PCDH11X: variants seen among roughly 807,000 people sequenced by gnomAD.
PCDH11X encodes the protein protocadherin 11 X-linked, also known as protocadherin-11 X-linked.
Under a neutral mutation model 53.3 loss-of-function variants are expected in PCDH11X, and 18 were observed. That is an observed-to-expected ratio of 0.34 (90% CI 0.23 to 0.50). PCDH11X has a LOEUF of 0.50. Ranked by LOEUF, PCDH11X falls within the 20% of genes least tolerant of loss-of-function variation. The probability of loss-of-function intolerance (pLI) is 0.98; values close to 1 mark genes in which losing one functional copy is unlikely to be tolerated. For synonymous variants in PCDH11X, 279 were observed against 393.3 expected (o/e 0.71, Z 3.44); for missense variants, 570 against 1,032.4 (o/e 0.55, Z 6.14).
chrX:92,008,386 G>T (rs1221240313), intron 6 of PCDH11X, among the ~76,000 whole-genome samples: 2 of 110,497 alleles, frequency 1.8e-5, no homozygotes, highest in African/African-American at 6.6e-5. Flanking sequence ...CTGTGGGCGG[G>T]GGTCAGCTGA....
chrX:92,562,748 C>T (rs1295548833), intron 10 of PCDH11X, among the ~76,000 whole-genome samples: 1 of 110,210 alleles, frequency 9.1e-6, no homozygotes, highest in Non-Finnish European at 1.9e-5. Context: ...ATCTCCAAGC[C>T]AGGGGCACAA....
chrX:92,348,601 A>T (rs1163643124), intron 8 of PCDH11X, among the ~76,000 whole-genome samples: 1 of 107,618 alleles, frequency 9.3e-6, no homozygotes, highest in Non-Finnish European at 1.9e-5. Flanking sequence ...CAATGGTGTG[A>T]TCTCGGCTCA....
At chrX:92,452,463 GTA>G (rs763381982) in intron 9 of PCDH11X, among the ~76,000 whole-genome samples, 2,934 of 44,535 alleles carry the variant, frequency 0.066, 106 homozygotes, top group Non-Finnish European at 0.072. Context: ...GTGTGTGTGT[GTA>G]TATATATATA....
At position 92,618,546 on chromosome X, in the gene PCDH11X, C is replaced by T. The variant is rs775801280; in HGVS notation, c.3650C>T (p.Ser1217Phe). Residue 1217 changes from serine (S) to phenylalanine (F), a missense_variant, in exon 11 of 11, where the codon TCT becomes TTT. This residue lies in a region of PCDH11X where 234 missense variants were observed against 296.1 expected (regional missense o/e 0.79). Coordinates refer to ENST00000682573, the MANE Select transcript of PCDH11X (RefSeq NM_032968.5). Reference protein sequence around the residue: ...LCHSPPPIQVSALHHSPPLVQ... With the variant: ...LCHSPPPIQVFALHHSPPLVQ... The stretch of plus-strand genomic sequence containing the variant: ...CACAGCCCACCACCGATACAGGTGT[C>T]TGCTCTCCACCACAGTCCTCCTCTA... 121 of 1,209,903 alleles carry T rather than the reference C, an allele frequency of 1.0e-4. No individual in the cohort carries two copies. The South Asian group carries it at 2.0e-3, about 20-fold the overall frequency.
At chrX:92,261,764 T>G (rs976744494) in intron 7 of PCDH11X, among the ~76,000 whole-genome samples, 5 of 112,258 alleles carry the variant, frequency 4.5e-5, no homozygotes, top group African/African-American at 1.6e-4. Flanking sequence ...TTAAAAATTT[T>G]TATCTATTAT....
intron 6 of PCDH11X, among the ~76,000 whole-genome samples, chrX:91,919,256 A>C (rs1314100448): frequency 1.8e-5 from 2 of 111,461 alleles, no homozygotes; most frequent in Non-Finnish European, 3.8e-5. Flanking sequence ...AAATGTCAGA[A>C]TTGTCAAGGT....
rs1344070003 is a variant in PCDH11X at position 92,621,290 on chromosome X, C to A, written c.*2350C>A. ...TCAAAGTTGGATATTTGGGATTTTT[C>A]TTCTGACAGTATAATTTATTGAGTT... On this transcript the variant is annotated 3_prime_UTR_variant, in exon 11 of 11. Coordinates refer to ENST00000682573, the MANE Select transcript of PCDH11X (RefSeq NM_032968.5). 9.3e-6 allele frequency: 1 copy of A among 108,009 alleles called. No individual in the cohort carries two copies. The allele number at this position is 108,009 out of a possible 1,213,427, so 8.9% of individuals were successfully genotyped here.
chrX:92,256,872 C>T (rs927842619), intron 7 of PCDH11X, among the ~76,000 whole-genome samples: 1 of 111,251 alleles, frequency 9.0e-6, no homozygotes, highest in African/African-American at 3.3e-5. Flanking sequence ...CCATCCATGT[C>T]CCTGAAAAGG....
At chrX:91,892,174 TCCAAG>T (rs1940519871) in intron 6 of PCDH11X, among the ~76,000 whole-genome samples, 2 of 107,954 alleles carry the variant, frequency 1.9e-5, no homozygotes, top group Middle Eastern at 4.7e-3. Flanking sequence ...CTCAGTCACA[TCCAAG>T]CCAACAGCTA....
rs776241920 is a variant in PCDH11X, at chrX:92,111,468, G to A, written c.3034-89907G>A. 9.6e-5 allele frequency among the ~76,000 whole-genome samples: 10 copies of A among 104,136 alleles called. No homozygotes were observed. The South Asian group carries it at 2.5e-3, about 26-fold the overall frequency. 90.4% of individuals were successfully genotyped at this position (104,136 alleles called of 115,157 possible). On this transcript the variant is annotated intron_variant, in intron 6 of 10. Transcript: ENST00000682573. ...CTTAAATAAAAATGTAATGCTACTC[G>A]AAGAAAATAAATTTCCTCAAATTAA...
Position 91,875,777 on chromosome X carries a change from A to G in PCDH11X, c.541-1004A>G, listed in dbSNP as rs777610139. On this transcript the variant is annotated intron_variant, in intron 5 of 10. Transcript: ENST00000682573. ...CATTGTTAATCTCTGAGATAATTTC[A>G]TTTTAACTGTGTGTTCCTATGGGAA... Among the ~76,000 whole-genome samples, 505 of 110,067 alleles carry G rather than the reference A, an allele frequency of 4.6e-3. 1 individual carries two copies. Among genetic ancestry groups the G allele is most frequent in the African/African-American group, 0.016 (480 of 30,373 alleles).
At chrX:91,822,418 A>G (rs1470729231) in intron 4 of PCDH11X, among the ~76,000 whole-genome samples, 72 of 109,937 alleles carry the variant, frequency 6.5e-4, no homozygotes, top group Non-Finnish European at 1.2e-3. Flanking sequence ...TGTATGTGTC[A>G]AGGAATTTAT....
chrX:92,072,479 A>G lies in PCDH11X; in HGVS notation c.3034-128896A>G, dbSNP rs761652104. On this transcript the variant is annotated intron_variant, in intron 6 of 10. Coordinates refer to ENST00000682573, the MANE Select transcript of PCDH11X (RefSeq NM_032968.5). ...CTGGGTATCACTGCTGGTTATTCAG[A>G]GCCCAAGGGCTCTTCAGTTAACAGG... 6.3e-5 allele frequency among the ~76,000 whole-genome samples: 7 copies of G among 111,453 alleles called. No individual in the cohort carries two copies. In the Admixed American group the frequency reaches 6.7e-4, roughly 11 times the overall value.
intron 8 of PCDH11X, among the ~76,000 whole-genome samples, chrX:92,282,514 C>T (rs979819250): frequency 2.7e-5 from 3 of 111,494 alleles, no homozygotes; most frequent in African/African-American, 9.8e-5. Context: ...GAATATTGTA[C>T]GTATGATGAA....
intron 8 of PCDH11X, among the ~76,000 whole-genome samples, chrX:92,305,293 T>C (rs2068801905): frequency 9.1e-6 from 1 of 109,429 alleles, no homozygotes; most frequent in South Asian, 4.1e-4. Context: ...GTAACTTAAA[T>C]GATAGGAATT....
At position 92,144,076 on chromosome X, in the gene PCDH11X, A is replaced by G. The variant is rs188212614; in HGVS notation, c.3034-57299A>G. ...TTTTAGATGATTTCTTCCATTTGGA[A>G]CAGCTGTATTTACCCAATACCTGAA... On this transcript the variant is annotated intron_variant, in intron 6 of 10. Transcript: ENST00000682573. Among the ~76,000 whole-genome samples, 14 of 111,652 alleles carry G rather than the reference A, an allele frequency of 1.3e-4. No homozygotes were observed. In the Admixed American group the frequency reaches 1.3e-3, roughly 11 times the overall value.
At chrX:91,973,571 T>C (rs1324388945) in intron 6 of PCDH11X, among the ~76,000 whole-genome samples, 1 of 106,491 alleles carries the variant, frequency 9.4e-6, no homozygotes, top group Non-Finnish European at 1.9e-5. Context: ...TCATAATGTA[T>C]ACATACAGAA....
At chrX:92,541,252 T>C (rs1348529929) in intron 10 of PCDH11X, among the ~76,000 whole-genome samples, 1 of 108,097 alleles carries the variant, frequency 9.3e-6, no homozygotes, top group African/African-American at 3.4e-5. Context: ...TCCCTTCTTG[T>C]AAGGACTGGT....
At chrX:92,137,766 C>T (rs1298139211) in intron 6 of PCDH11X, among the ~76,000 whole-genome samples, 2 of 109,091 alleles carry the variant, frequency 1.8e-5, no homozygotes, top group Non-Finnish European at 3.8e-5. Context: ...TTTGCTTATT[C>T]GGGATATTTC....
Sources: allele counts gnomAD v4.1 joint callset (sites outside exome capture counted in the v4.1 genomes callset), GRCh38; gene constraint gnomAD v4.1.1; regional missense constraint gnomAD v4.1.1; transcripts MANE v1.5; gene names NCBI Gene and HGNC (gene_info 2026-07-23, HGNC 2026-07-21).